The following PDE6C variants were observed in gnomAD, a reference collection of about 807,000 sequenced individuals.
PDE6C encodes the protein cone cGMP-specific 3',5'-cyclic phosphodiesterase subunit alpha'.
Under a neutral mutation model 113.1 loss-of-function variants are expected in PDE6C, and 75 were observed. The ratio of observed to expected loss-of-function variants is 0.66; its 90% CI spans 0.55 to 0.80. The LOEUF is 0.80. Ranked by LOEUF, PDE6C falls within the 30% of genes least tolerant of loss-of-function variation. The probability of loss-of-function intolerance (pLI) is 0.00; values close to 1 mark genes in which losing one functional copy is unlikely to be tolerated. For synonymous variants in PDE6C, 375 were observed against 363.7 expected, an observed-to-expected ratio of 1.03 and a Z score of -0.35; for missense variants, 912 against 1,038.6, an observed-to-expected ratio of 0.88 and a Z score of 1.67.
intron 1 of PDE6C, among the ~76,000 whole-genome samples, chr10:93,617,822 C>T (rs1163202745): frequency 6.6e-6 from 1 of 152,102 alleles, no homozygotes; most frequent in African/African-American, 2.4e-5. Context: ...CCATGGTGCA[C>T]ATTTCTGGTA....
chr10:93,655,289 T>G (rs2058631206), intron 15 of PDE6C, among the ~76,000 whole-genome samples: 3 of 152,158 alleles, frequency 2.0e-5, no homozygotes, highest in African/African-American at 7.2e-5. Flanking sequence ...CGAATATGAG[T>G]GTAATTTGCA....
chr10:93,625,102 G>A (rs868452780), intron 4 of PDE6C, among the ~76,000 whole-genome samples: 2 of 152,286 alleles, frequency 1.3e-5, no homozygotes, highest in Middle Eastern at 3.4e-3. Flanking sequence ...CTCATGGGCT[G>A]TGGTCTGATG....
At chr10:93,616,611 A>G (rs1178961405) in intron 1 of PDE6C, among the ~76,000 whole-genome samples, 1 of 151,494 alleles carries the variant, frequency 6.6e-6, no homozygotes, top group Non-Finnish European at 1.5e-5. Flanking sequence ...AAAATGGTCA[A>G]TGATTATTGC....
At chr10:93,614,784 C>T (rs56182404) in intron 1 of PDE6C, among the ~76,000 whole-genome samples, 3,123 of 152,092 alleles carry the variant, frequency 0.021, 34 homozygotes, top group Middle Eastern at 0.065. Context: ...GTGAGCATCA[C>T]GGCATGGACG....
chr10:93,632,453 C>T (rs1249957954), intron 8 of PDE6C, among the ~76,000 whole-genome samples: 1 of 152,172 alleles, frequency 6.6e-6, no homozygotes, highest in African/African-American at 2.4e-5. Flanking sequence ...TATAGAATTT[C>T]CTCAGTTTTT....
At chr10:93,661,945 A>G (rs1302600598) in intron 18 of PDE6C, 114 bp from the exon 19 acceptor site, 3 of 761,514 alleles carry the variant, frequency 3.9e-6, no homozygotes, top group Non-Finnish European at 4.8e-6. Flanking sequence ...ATACGGTTTG[A>G]TAGCACCTCA....
chr10:93,620,830 T>C (rs749882626), intron 2 of PDE6C, 46 bp downstream of exon 2: 3 of 1,613,714 alleles, frequency 1.9e-6, no homozygotes, highest in African/African-American at 2.7e-5. Context: ...GGAAATTTAT[T>C]TGTTGTATAA....
intron 15 of PDE6C, among the ~76,000 whole-genome samples, chr10:93,654,794 CTTTCTTTCTTTCTTTCTT>C (rs1564804798): frequency 1.4e-5 from 1 of 73,014 alleles, no homozygotes; most frequent in East Asian, 6.4e-4. Context: ...TTCTTTCTTT[CTTTCTTTCTTTCTTTCTT>C]TTTTTTTTTT....
chr10:93,641,415 G>C (rs1009200439), intron 14 of PDE6C, among the ~76,000 whole-genome samples: 4 of 152,062 alleles, frequency 2.6e-5, no homozygotes, highest in African/African-American at 4.8e-5. Context: ...GGCGGATCAA[G>C]TGAGGTCAGT....
At chr10:93,638,098 T>A (rs1034177951) in intron 11 of PDE6C, among the ~76,000 whole-genome samples, 3 of 152,202 alleles carry the variant, frequency 2.0e-5, no homozygotes, top group African/African-American at 7.2e-5. Context: ...GACCTTGAAT[T>A]TCAGAGGATT....
chr10:93,656,770 T>C (rs1589704967), intron 16 of PDE6C, among the ~76,000 whole-genome samples: 1 of 152,026 alleles, frequency 6.6e-6, no homozygotes, highest in East Asian at 1.9e-4. Flanking sequence ...GGTTTCACCA[T>C]GTTGGCCAGG....
chr10:93,615,567 A>C (rs1482992717), intron 1 of PDE6C, among the ~76,000 whole-genome samples: 1 of 152,116 alleles, frequency 6.6e-6, no homozygotes, highest in Non-Finnish European at 1.5e-5. Context: ...TTTTTAGTAG[A>C]AACGGGGTTT....
rs139456217 is a variant in PDE6C at position 93,613,138 on chromosome 10, T to C, written c.413T>C (p.Leu138Ser). Residue 138 changes from leucine (L) to serine (S), a missense_variant, in exon 1 of 22, where the codon TTG becomes TCG. Transcript: ENST00000371447. ...CCTGACAAAGAAGTTGTGTTTCCAT[T>C]GGACATTGGGATAGTGGGTTGGGCT... ...VGPDKEVVFP[L>S]DIGIVGWAAH... 1,555 of 1,614,098 alleles carry C rather than the reference T, an allele frequency of 9.6e-4. 3 individuals carry two copies. Among genetic ancestry groups the C allele is most frequent in the Non-Finnish European group, 8.9e-4 (1,056 of 1,180,020 alleles).
At chr10:93,659,207 G>T (rs1490233696) in intron 18 of PDE6C, 40 bp downstream of exon 18, 5 of 1,325,030 alleles carry the variant, frequency 3.8e-6, no homozygotes, top group Middle Eastern at 2.5e-4. Context: ...ACACTGTCAG[G>T]TACTGCCTAG....
intron 4 of PDE6C, among the ~76,000 whole-genome samples, chr10:93,624,801 A>C (rs1405194594): frequency 6.6e-6 from 1 of 152,196 alleles, no homozygotes; most frequent in East Asian, 1.9e-4. Context: ...AGATCAGTGC[A>C]GTCATTAAAG....
Position 93,635,551 on chromosome 10 carries a change from A to G in PDE6C, c.1324A>G (p.Met442Val). Residue 442 changes from methionine (M) to valine (V), a missense_variant, in exon 10 of 22, where the codon ATG becomes GTG. By Grantham distance (21) the Met-to-Val change is conservative. Transcript: ENST00000371447. The stretch of plus-strand genomic sequence containing the variant: ...TTTAAATACTGACACCTACGATAAG[A>G]TGAATAAGCTAGAAAACAGAAAGGA... ...SLLNTDTYDK[M>V]NKLENRKDIA... The G allele has an allele frequency of 6.2e-7, 1 of 1,613,108 alleles. No individual in the cohort carries two copies. The highest frequency in any genetic ancestry group is 8.5e-7 in the Non-Finnish European group (1 of 1,179,046).
intron 7 of PDE6C, 92 bp downstream of exon 7, chr10:93,626,963 T>C (rs1489526226): frequency 8.3e-7 from 1 of 1,197,936 alleles, no homozygotes; most frequent in Non-Finnish European, 1.2e-6. Context: ...CAAGAATGCA[T>C]CCAATAAAAG....
intron 15 of PDE6C, among the ~76,000 whole-genome samples, chr10:93,653,559 G>T (rs536651125): frequency 6.6e-6 from 1 of 152,060 alleles, no homozygotes; most frequent in Non-Finnish European, 1.5e-5. Flanking sequence ...CAGGAGAATC[G>T]CTTGAACCCA....
At chr10:93,622,239 T>C (rs1358352379) in intron 4 of PDE6C, among the ~76,000 whole-genome samples, 167 bp downstream of exon 4, 1 of 152,058 alleles carries the variant, frequency 6.6e-6, no homozygotes, top group Non-Finnish European at 1.5e-5. Flanking sequence ...GATGTAGGCT[T>C]GAATCTTGGT....
Sources: allele counts gnomAD v4.1 joint callset (sites outside exome capture counted in the v4.1 genomes callset), GRCh38; gene constraint gnomAD v4.1.1; transcripts MANE v1.5; gene names NCBI Gene and HGNC (gene_info 2026-07-23, HGNC 2026-07-21).